Variants in STXBP5L observed in about 807,000 individuals in gnomAD.
The protein encoded by STXBP5L is syntaxin binding protein 5L.
In STXBP5L, 65 loss-of-function variants were observed where a neutral mutation model predicts 144.5. That is an observed-to-expected ratio of 0.45 (90% CI 0.37 to 0.55). The LOEUF (loss-of-function observed/expected upper bound fraction) is 0.55, where lower values mean the gene tolerates loss of function less well. Ranked by LOEUF, STXBP5L falls within the 20% of genes least tolerant of loss-of-function variation. The pLI is 0.00. For missense variants in STXBP5L, 1,298 were observed against 1,405.5 expected, an observed-to-expected ratio of 0.92 and a Z score of 1.22; for synonymous variants, 505 against 469.6, an observed-to-expected ratio of 1.08 and a Z score of -0.97.
At chr3:121,080,937 A>G (rs1004269735) in intron 5 of STXBP5L, among the ~76,000 whole-genome samples, 1 of 152,212 alleles carries the variant, frequency 6.6e-6, no homozygotes. Context: ...GTTTTCCTCA[A>G]TAATTCCTTC....
At position 121,157,082 on chromosome 3, in the gene STXBP5L, G is replaced by A. The variant is rs13321860; in HGVS notation, c.754-422G>A. Among the ~76,000 whole-genome samples the A allele has an allele frequency of 5.6e-3, 854 of 152,126 alleles. 2 individuals carry two copies. The highest frequency in any genetic ancestry group is 9.6e-3 in the Non-Finnish European group (655 of 67,920). On this transcript the variant is annotated intron_variant, in intron 8 of 26. Transcript: ENST00000471454. ...TGATTTAAATAGTATATGCAAGAGG[G>A]CAATACAGTGCAATGATTGAGAACG...
chr3:121,188,987 G>T (rs965197109), intron 9 of STXBP5L, among the ~76,000 whole-genome samples: 11 of 152,084 alleles, frequency 7.2e-5, no homozygotes, highest in South Asian at 2.1e-4. Flanking sequence ...AGAAATAAAG[G>T]GTATTCAATT....
intron 5 of STXBP5L, among the ~76,000 whole-genome samples, chr3:121,110,866 A>G (rs878868673): frequency 6.6e-6 from 1 of 152,150 alleles, no homozygotes; most frequent in African/African-American, 2.4e-5. Context: ...AGGTACTTCA[A>G]CCAGTCAGAA....
At chr3:121,039,725 T>A (rs1277341122) in intron 3 of STXBP5L, among the ~76,000 whole-genome samples, 3 of 151,832 alleles carry the variant, frequency 2.0e-5, no homozygotes, top group Non-Finnish European at 4.4e-5. Flanking sequence ...TTAAAAAAAA[T>A]TTTATCTCTT....
At chr3:121,179,912 AC>A (rs2047077920) in intron 9 of STXBP5L, among the ~76,000 whole-genome samples, 1 of 152,176 alleles carries the variant, frequency 6.6e-6, no homozygotes, top group South Asian at 2.1e-4. Context: ...TAAAAGATGA[AC>A]CAAGTCTCCA....
At chr3:121,103,992 A>T (rs1413793755) in intron 5 of STXBP5L, among the ~76,000 whole-genome samples, 5 of 152,162 alleles carry the variant, frequency 3.3e-5, no homozygotes, top group Non-Finnish European at 7.4e-5. Flanking sequence ...TTAATTATGA[A>T]TTTCTGAAGG....
intron 3 of STXBP5L, among the ~76,000 whole-genome samples, chr3:120,977,997 T>G (rs1267189875): frequency 2.0e-5 from 3 of 152,218 alleles, no homozygotes; most frequent in Admixed American, 6.5e-5. Context: ...TCATTTCAAC[T>G]TTGGTGAATA....
intron 5 of STXBP5L, among the ~76,000 whole-genome samples, chr3:121,101,581 C>T (rs1016012098): frequency 2.0e-5 from 3 of 151,852 alleles, no homozygotes; most frequent in Admixed American, 2.0e-4. Context: ...GAATATATAC[C>T]ATAGAATGGT....
chr3:121,034,824 G>T (rs1946643853), intron 3 of STXBP5L, among the ~76,000 whole-genome samples: 2 of 152,064 alleles, frequency 1.3e-5, no homozygotes, highest in African/African-American at 4.8e-5. Context: ...GTTTGTACTA[G>T]TTTATTTTCC....
At chr3:121,066,674 AGTTTCCATT>A (rs2041565966) in intron 5 of STXBP5L, among the ~76,000 whole-genome samples, 1 of 152,100 alleles carries the variant, frequency 6.6e-6, no homozygotes, top group Non-Finnish European at 1.5e-5. Flanking sequence ...TTAGTATGTA[AGTTTCCATT>A]CTTTTGATTC....
chr3:121,374,189 A>G (rs2046116211), intron 20 of STXBP5L, among the ~76,000 whole-genome samples: 1 of 152,180 alleles, frequency 6.6e-6, no homozygotes, highest in Admixed American at 6.5e-5. Flanking sequence ...ACTTGCAGAC[A>G]TCTCCAATAC....
At chr3:120,940,671 A>C (rs1388410582) in intron 2 of STXBP5L, among the ~76,000 whole-genome samples, 2 of 151,300 alleles carry the variant, frequency 1.3e-5, no homozygotes, top group Non-Finnish European at 3.0e-5. Context: ...TTTGTAGAGC[A>C]CTATCTGGCT....
At chr3:121,190,203 G>C (rs979599941) in intron 9 of STXBP5L, among the ~76,000 whole-genome samples, 1 of 152,124 alleles carries the variant, frequency 6.6e-6, no homozygotes, top group Non-Finnish European at 1.5e-5. Flanking sequence ...AGGGCCCTGC[G>C]GCCTTCCGCA....
intron 9 of STXBP5L, among the ~76,000 whole-genome samples, chr3:121,159,924 G>A (rs184722735): frequency 7.2e-5 from 11 of 152,166 alleles, no homozygotes; most frequent in African/African-American, 2.2e-4. Flanking sequence ...GAGCCACCGC[G>A]CCCGGCCGAC....
chr3:121,351,356 T>A (rs1163880866), intron 20 of STXBP5L, among the ~76,000 whole-genome samples: 1 of 152,100 alleles, frequency 6.6e-6, no homozygotes, highest in Non-Finnish European at 1.5e-5. Flanking sequence ...GTGTCAGGTG[T>A]CAGTCTGCCC....
intron 2 of STXBP5L, among the ~76,000 whole-genome samples, chr3:120,926,713 G>A (rs576275687): frequency 6.6e-6 from 1 of 151,930 alleles, no homozygotes; most frequent in South Asian, 2.1e-4. Context: ...TCTATATTTT[G>A]TAAGCAATCT....
At chr3:121,064,763 G>T (rs1490686807) in intron 5 of STXBP5L, among the ~76,000 whole-genome samples, 1 of 152,114 alleles carries the variant, frequency 6.6e-6, no homozygotes, top group East Asian at 1.9e-4. Flanking sequence ...AGACAGAGAG[G>T]ATGCATGGGC....
intron 3 of STXBP5L, among the ~76,000 whole-genome samples, chr3:121,024,829 A>G (rs1945810447): frequency 6.6e-6 from 1 of 152,176 alleles, no homozygotes; most frequent in African/African-American, 2.4e-5. Flanking sequence ...AGACAACAAA[A>G]ATAGTGCATA....
intron 20 of STXBP5L, among the ~76,000 whole-genome samples, chr3:121,348,016 G>C (rs1030078057): frequency 6.6e-6 from 1 of 152,160 alleles, no homozygotes; most frequent in African/African-American, 2.4e-5. Flanking sequence ...TGGTGAGAGA[G>C]GGCATCCCTG....
Sources: allele counts gnomAD v4.1 joint callset (sites outside exome capture counted in the v4.1 genomes callset), GRCh38; gene constraint gnomAD v4.1.1; transcripts MANE v1.5; gene names NCBI Gene and HGNC (gene_info 2026-07-23, HGNC 2026-07-21).